Variants in TTC27 observed in about 807,000 individuals in gnomAD.
TTC27 encodes the protein tetratricopeptide repeat protein 27.
A neutral mutation model predicts 115.9 loss-of-function variants in TTC27; 79 were observed. The observed-to-expected ratio is 0.68, with a 90% CI of 0.57 to 0.82. The LOEUF (loss-of-function observed/expected upper bound fraction) is 0.82. Among genes scored for constraint, TTC27 ranks in the 40% least tolerant of loss-of-function variants. The pLI, the probability that TTC27 is intolerant of heterozygous loss-of-function variation, is 0.00. For missense variants in TTC27, 1,054 were observed against 993.1 expected (o/e 1.06, Z -0.82); for synonymous variants, 401 against 356.0 (o/e 1.13, Z -1.42).
At position 32,706,568 on chromosome 2, in the gene TTC27, G is replaced by A. The variant is rs115245177; in HGVS notation, c.1233+3648G>A. Among the ~76,000 whole-genome samples, 830 of 151,856 alleles carry A rather than the reference G, an allele frequency of 5.5e-3. 11 individuals are homozygous for A. Among genetic ancestry groups the A allele is most frequent in the African/African-American group, 0.019 (783 of 41,426 alleles). On this transcript the variant is annotated intron_variant, in intron 10 of 19. Transcript: ENST00000317907. Reference sequence around the variant, plus strand: ...CAATATCCATTCTCCCTGCTCCCTCGCCTTTTTGTTTTTGAGACAGAGTGT... The same window carrying A: ...CAATATCCATTCTCCCTGCTCCCTCACCTTTTTGTTTTTGAGACAGAGTGT...
intron 3 of TTC27, 75 bp downstream of exon 3, chr2:32,634,080 G>T: frequency 6.8e-7 from 1 of 1,476,024 alleles, no homozygotes; most frequent in Non-Finnish European, 9.1e-7. Flanking sequence ...TTATAAACTG[G>T]AACTCATAGT....
rs775638351 is a variant in TTC27, at chr2:32,758,408, G to C, written c.1569G>C (p.Arg523=). The C allele has an allele frequency of 6.2e-7, 1 of 1,614,196 alleles. No individual in the cohort carries two copies. Among genetic ancestry groups the C allele is most frequent in the Non-Finnish European group, 8.5e-7 (1 of 1,180,050 alleles). The change falls in exon 13 of 20, where the codon CGG becomes CGC. Residue 523 remains arginine (R), a synonymous_variant. Transcript: ENST00000317907. ...ATGACAAGGCCTGGGAGTTGTCCCGGTACCGCAGTGCTCGTGCTCAGCGCT... is the reference window on the plus strand; with the variant it reads ...ATGACAAGGCCTGGGAGTTGTCCCGCTACCGCAGTGCTCGTGCTCAGCGCT... ...SCYDKAWELS[R]YRSARAQRSK...
chr2:32,680,045 A>G (rs868141563), intron 9 of TTC27, among the ~76,000 whole-genome samples: 1 of 152,280 alleles, frequency 6.6e-6, no homozygotes, highest in Middle Eastern at 3.4e-3. Context: ...GTACTGTAAT[A>G]TAAATTTTTC....
intron 12 of TTC27, among the ~76,000 whole-genome samples, chr2:32,741,288 G>A (rs922955150): frequency 1.3e-5 from 2 of 151,960 alleles, no homozygotes; most frequent in Non-Finnish European, 2.9e-5. Flanking sequence ...AACTACTCTG[G>A]TACCCCATTT....
At chr2:32,701,915 G>A (rs1667197015) in intron 9 of TTC27, among the ~76,000 whole-genome samples, 1 of 151,894 alleles carries the variant, frequency 6.6e-6, no homozygotes, top group South Asian at 2.1e-4. Flanking sequence ...GGTAGCTGAG[G>A]TGGGAGGATT....
chr2:32,812,592 A>G lies in TTC27; in HGVS notation c.2285A>G (p.Gln762Arg). ...ATTACATCATTTAAGGAAGTTGTTC[A>G]AAGAGCCTTAGGACTTGCACATGGT... ...KDITSFKEVV[Q>R]RALGLAHVAI... The change falls in exon 18 of 20, where the codon CAA becomes CGA. Residue 762 changes from glutamine to arginine, a missense_variant. Gln to Arg is a conservative substitution (Grantham distance 43). Coordinates refer to ENST00000317907, the MANE Select transcript of TTC27 (RefSeq NM_017735.5). 1 of 1,613,818 alleles carries G rather than the reference A, an allele frequency of 6.2e-7. No homozygotes were observed. The highest frequency in any genetic ancestry group is 8.5e-7 in the Non-Finnish European group (1 of 1,179,686).
chr2:32,754,971 A>G (rs938196440), intron 12 of TTC27, among the ~76,000 whole-genome samples: 1 of 149,194 alleles, frequency 6.7e-6, no homozygotes, highest in African/African-American at 2.5e-5. Context: ...GGGGCTCCTC[A>G]CTTCTCAGAC....
intron 4 of TTC27, among the ~76,000 whole-genome samples, chr2:32,642,247 A>ATTT (rs10634857): frequency 0.041 from 4,229 of 102,018 alleles, 106 homozygotes; most frequent in Non-Finnish European, 0.053. Flanking sequence ...TATACACTAA[A>ATTT]TTTTTTTTTT....
chr2:32,682,634 C>A (rs371479877), intron 9 of TTC27, among the ~76,000 whole-genome samples: 8 of 151,490 alleles, frequency 5.3e-5, no homozygotes, highest in African/African-American at 1.9e-4. Flanking sequence ...AAGATGTCTT[C>A]CTCTGTTGAT....
chr2:32,697,627 C>T lies in TTC27; in HGVS notation c.1120-5180C>T, dbSNP rs548815000. Among the ~76,000 whole-genome samples the T allele has an allele frequency of 1.5e-4, 23 of 152,260 alleles. No homozygotes were observed. In the South Asian group the frequency reaches 4.6e-3, roughly 30 times the overall value. On this transcript the variant is annotated intron_variant, in intron 9 of 19. Transcript: ENST00000317907. ...CAGAATTTTGGAGGTGGTTGGTCAA[C>T]TTTTAGTCTACATTTTTCTCTTTAT... is the stretch of plus-strand genomic sequence containing the variant.
chr2:32,650,856 C>G (rs537881282), intron 5 of TTC27, among the ~76,000 whole-genome samples: 83 of 152,172 alleles, frequency 5.5e-4, no homozygotes, highest in Middle Eastern at 3.4e-3. Context: ...TAATTATAAG[C>G]CAAACATCCA....
chr2:32,715,898 CA>C (rs1667738517), intron 10 of TTC27, among the ~76,000 whole-genome samples: 1 of 151,430 alleles, frequency 6.6e-6, no homozygotes, highest in Admixed American at 6.6e-5. Flanking sequence ...GGAATTACCA[CA>C]CTCTGCAGGA....
In TTC27 at chr2:32,628,226, C is replaced by G. The variant is rs1245780232; in HGVS notation, c.-67C>G. On this transcript the variant is annotated 5_prime_UTR_variant, in exon 1 of 20. Coordinates refer to ENST00000317907, the MANE Select transcript of TTC27 (RefSeq NM_017735.5). ...GCGCCTTTGGACTCTCCTGTTTTCA[C>G]TTTCTTTTGTTGACTCCCGTGTGGC... The G allele has an allele frequency of 6.7e-7, 1 of 1,489,120 alleles. No homozygotes were observed. The highest frequency in any genetic ancestry group is 1.4e-5 in the African/African-American group (1 of 72,774). The allele number at this position is 1,489,120 out of a possible 1,614,324, so 92.2% of individuals were successfully genotyped here. A position where few individuals can be genotyped will look rare whatever the true frequency, so the allele number is the denominator to read the frequency against.
At chr2:32,689,897 T>C (rs1666755438) in intron 9 of TTC27, among the ~76,000 whole-genome samples, 1 of 152,180 alleles carries the variant, frequency 6.6e-6, no homozygotes, top group East Asian at 1.9e-4. Flanking sequence ...AATATAAAAA[T>C]AGGTAATTAG....
chr2:32,657,642 G>A (rs1257166560), intron 5 of TTC27, among the ~76,000 whole-genome samples: 1 of 152,068 alleles, frequency 6.6e-6, no homozygotes, highest in African/African-American at 2.4e-5. Flanking sequence ...GTTTCTGCCA[G>A]ATTATAGGTG....
intron 9 of TTC27, among the ~76,000 whole-genome samples, chr2:32,694,489 G>A (rs1666917546): frequency 6.6e-6 from 1 of 152,068 alleles, no homozygotes; most frequent in Non-Finnish European, 1.5e-5. Context: ...AGGATCACTT[G>A]AGGCCAGCAG....
chr2:32,732,725 A>C (rs937666155), intron 10 of TTC27, among the ~76,000 whole-genome samples: 1 of 152,208 alleles, frequency 6.6e-6, no homozygotes, highest in Non-Finnish European at 1.5e-5. Flanking sequence ...AGTTGCCAAC[A>C]TGGTGCTTCA....
At chr2:32,686,050 C>G (rs181013671) in intron 9 of TTC27, among the ~76,000 whole-genome samples, 350 of 152,184 alleles carry the variant, frequency 2.3e-3, no homozygotes, top group African/African-American at 6.1e-3. Context: ...TATTTGCTAG[C>G]AATACTTGGG....
At position 32,702,912 on chromosome 2, in the gene TTC27, C is replaced by A. The variant is rs1309127213; in HGVS notation, c.1225C>A (p.Gln409Lys). The A allele has an allele frequency of 1.2e-6, 2 of 1,612,948 alleles. No homozygotes were observed. Among genetic ancestry groups the A allele is most frequent in the Admixed American group, 1.7e-5 (1 of 59,990 alleles). ...STRRVERAMR[Q>K]TQALADQFED... Reference sequence around the variant, plus strand: ...TCGCCGAGTGGAACGGGCAATGAGGCAGACACAGGTAAGAATTAATGTGGC... The same window carrying A: ...TCGCCGAGTGGAACGGGCAATGAGGAAGACACAGGTAAGAATTAATGTGGC... The change falls in exon 10 of 20, where the codon CAG becomes AAG. Residue 409 changes from glutamine to lysine, a missense_variant. Coordinates refer to ENST00000317907, the MANE Select transcript of TTC27 (RefSeq NM_017735.5).
Sources: gnomAD v4.1 joint callset for allele counts (sites outside exome capture counted in the v4.1 genomes callset) on GRCh38, gnomAD v4.1.1 for gene constraint, MANE v1.5 for transcripts, NCBI Gene and HGNC (gene_info 2026-07-23, HGNC 2026-07-21) for gene names.